Variants in UBE2F observed in about 807,000 individuals in gnomAD.
UBE2F encodes the protein NEDD8-conjugating enzyme UBE2F.
In UBE2F, 5 loss-of-function variants were observed where a neutral mutation model predicts 29.6. The observed-to-expected ratio is 0.17, with a 90% CI of 0.09 to 0.36. The LOEUF is 0.36. Ranked by LOEUF, UBE2F falls within the 10% of genes least tolerant of loss-of-function variation. The pLI is 1.00. For synonymous variants in UBE2F, 66 were observed against 81.8 expected (o/e 0.81, Z 1.04); for missense variants, 141 against 228.5 (o/e 0.62, Z 2.47).
chr2:237,970,940 T>A (rs1040651141), intron 1 of UBE2F, among the ~76,000 whole-genome samples: 2 of 152,216 alleles, frequency 1.3e-5, no homozygotes, highest in Non-Finnish European at 2.9e-5. Flanking sequence ...CTAGAACTCC[T>A]GACCTCAGGT....
intron 3 of UBE2F, chr2:237,990,526 C>T: frequency 2.9e-6 from 1 of 349,816 alleles, no homozygotes; most frequent in South Asian, 2.1e-5. Flanking sequence ...CCTCAGTCTC[C>T]TGAGCAGCTG....
At chr2:238,011,315 C>T (rs752277565) in intron 4 of UBE2F, among the ~76,000 whole-genome samples, 2 of 152,196 alleles carry the variant, frequency 1.3e-5, no homozygotes, top group Non-Finnish European at 2.9e-5. Context: ...TCTTACCGTA[C>T]CCACCCTGTT....
intron 6 of UBE2F, among the ~76,000 whole-genome samples, chr2:238,026,104 C>T (rs928227259): frequency 1.3e-5 from 2 of 152,346 alleles, no homozygotes; most frequent in Admixed American, 1.3e-4. Context: ...AGGTTGATTG[C>T]AGGGGCTTTG....
At chr2:237,984,887 T>A (rs571333556) in intron 2 of UBE2F, among the ~76,000 whole-genome samples, 10 of 152,120 alleles carry the variant, frequency 6.6e-5, no homozygotes, top group Non-Finnish European at 1.5e-4. Context: ...TCAAGTGACC[T>A]TCCCACCTCA....
chr2:237,994,112 T>C (rs55835077), intron 3 of UBE2F, among the ~76,000 whole-genome samples: 5,857 of 125,506 alleles, frequency 0.047, 369 homozygotes, highest in African/African-American at 0.17. Context: ...TCTTCTTCTT[T>C]TTTTTTTTTT....
intron 4 of UBE2F, among the ~76,000 whole-genome samples, chr2:238,011,808 A>G (rs886628918): frequency 8.5e-5 from 13 of 152,244 alleles, no homozygotes; most frequent in African/African-American, 3.1e-4. Flanking sequence ...TTAGATGGGC[A>G]TGGAAAGTGT....
chr2:237,990,585 A>T (rs1209756231), intron 3 of UBE2F: 2 of 178,930 alleles, frequency 1.1e-5, no homozygotes, highest in African/African-American at 4.9e-5. Context: ...AATTTTTAAA[A>T]ATTATTATTA....
intron 4 of UBE2F, among the ~76,000 whole-genome samples, chr2:237,995,879 G>A (rs572730619): frequency 3.9e-5 from 6 of 152,154 alleles, no homozygotes; most frequent in Non-Finnish European, 8.8e-5. Flanking sequence ...GAGTACTTGG[G>A]TATAGGAGTT....
chr2:237,995,185 C>T (rs1056466529), intron 4 of UBE2F, among the ~76,000 whole-genome samples: 1 of 152,188 alleles, frequency 6.6e-6, no homozygotes, highest in Non-Finnish European at 1.5e-5. Flanking sequence ...TGCCTATCTA[C>T]AAAGTGGGAT....
intron 6 of UBE2F, among the ~76,000 whole-genome samples, chr2:238,026,835 T>C (rs549075104): frequency 3.9e-5 from 6 of 152,222 alleles, no homozygotes; most frequent in Non-Finnish European, 4.4e-5. Flanking sequence ...CACAGATGGT[T>C]AAAAATACAT....
rs555137796 is a variant in UBE2F, at chr2:238,040,169, G to A, written c.508-1119G>A. Reference sequence around the variant, plus strand: ...ATAGCTTCAAATTGGGAACTTGCCCGCCCTGGAAAGGGTCGCTGTGCTAAC... The same window carrying A: ...ATAGCTTCAAATTGGGAACTTGCCCACCCTGGAAAGGGTCGCTGTGCTAAC... On this transcript the variant is annotated intron_variant, in intron 9 of 9. Coordinates refer to ENST00000272930, the MANE Select transcript of UBE2F (RefSeq NM_080678.3). The surrounding 1 kb of genome is among the most constrained non-coding windows in gnomAD (Gnocchi z 4.4). 1.2e-4 allele frequency among the ~76,000 whole-genome samples: 19 copies of A among 152,328 alleles called. No individual in the cohort carries two copies. The highest frequency in any genetic ancestry group is 4.1e-4 in the African/African-American group (17 of 41,582).
In UBE2F at chr2:238,016,625, A is replaced by G. The variant is rs1368465258; in HGVS notation, c.274A>G (p.Asn92Asp). 1 of 1,612,840 alleles carries G rather than the reference A, an allele frequency of 6.2e-7. No homozygotes were observed. Among genetic ancestry groups the G allele is most frequent in the Non-Finnish European group, 8.5e-7 (1 of 1,179,510 alleles). ...QFETEVPDAYNMVPPKVKCLT... is the reference protein window; with the variant it reads ...QFETEVPDAYDMVPPKVKCLT... ...TGAAACTGAAGTTCCCGATGCGTAC[A>G]ACATGGTGGTGAGTAGCCTGCGTTG... is the stretch of plus-strand genomic sequence containing the variant. The change falls in exon 5 of 10, where the codon AAC becomes GAC. Residue 92 changes from asparagine to aspartate, a missense_variant. By Grantham distance (23) the Asn-to-Asp change is conservative (BLOSUM62 1). Transcript: ENST00000272930.
intron 3 of UBE2F, among the ~76,000 whole-genome samples, chr2:237,988,629 A>T (rs2106343808): frequency 6.6e-6 from 1 of 151,912 alleles, no homozygotes; most frequent in South Asian, 2.1e-4. Context: ...AAAAAAAAAA[A>T]AAAAAGAGCA....
At chr2:238,003,754 A>G (rs967711161) in intron 4 of UBE2F, among the ~76,000 whole-genome samples, 6 of 152,184 alleles carry the variant, frequency 3.9e-5, no homozygotes, top group African/African-American at 1.4e-4. Context: ...TTTTTTAAGA[A>G]TCATGTTTAG....
At position 238,025,404 on chromosome 2, in the gene UBE2F, A is replaced by C. The variant is rs754484594; in HGVS notation, c.345A>C (p.Ile115=). 8.1e-6 allele frequency: 13 copies of C among 1,613,722 alleles called. No individual in the cohort carries two copies. The highest frequency in any genetic ancestry group is 1.1e-5 in the Non-Finnish European group (13 of 1,179,736). ...CCAACATCACAGAGACAGGGGAAAT[A>C]TGTCTGAGGTGAGTTTATTGTCTTT... ...WHPNITETGE[I]CLSLLREHSI... The change falls in exon 6 of 10, where the codon ATA becomes ATC. Residue 115 remains isoleucine, a synonymous_variant. Coordinates refer to ENST00000272930, the MANE Select transcript of UBE2F (RefSeq NM_080678.3).
intron 4 of UBE2F, among the ~76,000 whole-genome samples, chr2:237,997,082 G>C (rs774297702): frequency 1.3e-5 from 2 of 151,888 alleles, no homozygotes; most frequent in African/African-American, 4.8e-5. Context: ...AAATTAGCCC[G>C]GTGTGGTGGT....
At chr2:237,981,912 C>T (rs1470195141) in intron 2 of UBE2F, among the ~76,000 whole-genome samples, 4 of 152,030 alleles carry the variant, frequency 2.6e-5, no homozygotes, top group Non-Finnish European at 4.4e-5. Flanking sequence ...TAGGCATGAG[C>T]GCTGGGAGAG....
In UBE2F at chr2:237,970,362, A is replaced by C. The variant is rs147339499; in HGVS notation, c.-16-2730A>C. On this transcript the variant is annotated intron_variant, in intron 1 of 9. Coordinates refer to ENST00000272930, the MANE Select transcript of UBE2F (RefSeq NM_080678.3). Reference sequence around the variant, plus strand: ...TGCACTCCAGCCTGGGCTACAGAGCAAGACCTGTCTCAAAAAACAAACAAA... The same window carrying C: ...TGCACTCCAGCCTGGGCTACAGAGCCAGACCTGTCTCAAAAAACAAACAAA... Among the ~76,000 whole-genome samples, 350 of 152,324 alleles carry C rather than the reference A, an allele frequency of 2.3e-3. 11 individuals are homozygous for C. The highest frequency in any genetic ancestry group is 0.018 in the Admixed American group (271 of 15,296).
chr2:238,038,037 T>C (rs1253323596), intron 9 of UBE2F, among the ~76,000 whole-genome samples: 1 of 152,136 alleles, frequency 6.6e-6, no homozygotes, highest in African/African-American at 2.4e-5. Context: ...CCCTGCCAAG[T>C]CCTCGCTACA....
Sources: gnomAD v4.1 joint callset for allele counts (sites outside exome capture counted in the v4.1 genomes callset) on GRCh38, gnomAD v4.1.1 for gene constraint, Gnocchi (gnomAD v3.1) non-coding constraint, MANE v1.5 for transcripts, NCBI Gene and HGNC (gene_info 2026-07-23, HGNC 2026-07-21) for gene names.